Variants in LAMA3 observed in about 807,000 individuals in gnomAD.
LAMA3 encodes the protein laminin subunit alpha-3.
In LAMA3, 281 loss-of-function variants were observed where a neutral mutation model predicts 402.0. That is an observed-to-expected ratio of 0.70 (90% CI 0.63 to 0.77). The LOEUF (loss-of-function observed/expected upper bound fraction) is 0.77, where lower values mean the gene tolerates loss of function less well. Ranked by LOEUF, LAMA3 falls within the 30% of genes least tolerant of loss-of-function variation. The probability of loss-of-function intolerance (pLI) is 0.00; values close to 1 mark genes in which losing one functional copy is unlikely to be tolerated. For synonymous variants in LAMA3, 1,431 were observed against 1,558.4 expected (o/e 0.92, Z 1.93); for missense variants, 3,840 against 4,215.5 (o/e 0.91, Z 2.47).
At chr18:23,835,485 A>C (rs949339343) in intron 24 of LAMA3, among the ~76,000 whole-genome samples, 1 of 152,162 alleles carries the variant, frequency 6.6e-6, no homozygotes, top group Admixed American at 6.5e-5. Context: ...AGTGAACTGC[A>C]TGTCAGTCTG....
At chr18:23,924,310 C>G (rs2081937420) in intron 62 of LAMA3, among the ~76,000 whole-genome samples, 1 of 151,932 alleles carries the variant, frequency 6.6e-6, no homozygotes, top group South Asian at 2.1e-4. Context: ...TGTCACCATG[C>G]CTGGCTAATT....
rs552096413 is a variant in LAMA3, at chr18:23,758,460, A to G, written c.1012A>G (p.Asn338Asp). 4 of 1,614,130 alleles carry G rather than the reference A, an allele frequency of 2.5e-6. No homozygotes were observed. In the Admixed American group the frequency reaches 6.7e-5, roughly 27 times the overall value. Residue 338 changes from asparagine (N) to aspartate (D), a missense_variant, in exon 7 of 75, where the codon AAT becomes GAT. By Grantham distance (23) the Asn-to-Asp change is conservative. Transcript: ENST00000313654. Reference sequence around the variant, plus strand: ...GTGTGATCGCTGCTGCACAGGGTACAATCAGAGGCGCTGGCGGCCCGCCGC... The same window carrying G: ...GTGTGATCGCTGCTGCACAGGGTACGATCAGAGGCGCTGGCGGCCCGCCGC... ...ETCDRCCTGY[N>D]QRRWRPAAWE... is the part of the protein sequence containing the mutation.
intron 20 of LAMA3, among the ~76,000 whole-genome samples, chr18:23,824,013 C>A (rs2063334871): frequency 6.6e-6 from 1 of 152,040 alleles, no homozygotes; most frequent in South Asian, 2.1e-4. Context: ...ATAACCACTG[C>A]ACTCCAGCCT....
chr18:23,833,357 T>G (rs942501646), intron 23 of LAMA3, among the ~76,000 whole-genome samples: 3 of 151,214 alleles, frequency 2.0e-5, no homozygotes, highest in Non-Finnish European at 2.9e-5. Flanking sequence ...GTGTGTGTGT[T>G]TTACATTATT....
chr18:23,760,392 A>C (rs2061944468), intron 7 of LAMA3, among the ~76,000 whole-genome samples: 1 of 152,156 alleles, frequency 6.6e-6, no homozygotes, highest in Admixed American at 6.5e-5. Flanking sequence ...GAAAGCATTG[A>C]GCCTGTTTTA....
intron 25 of LAMA3, among the ~76,000 whole-genome samples, chr18:23,837,570 G>GAGATATATATATAT (rs1555707624): frequency 9.6e-5 from 8 of 83,282 alleles, no homozygotes; most frequent in African/African-American, 3.6e-4. Flanking sequence ...CAGTTAATCA[G>GAGATATATATATAT]ATATATATAT....
chr18:23,739,051 C>T (rs537100675), intron 2 of LAMA3, among the ~76,000 whole-genome samples: 2 of 152,320 alleles, frequency 1.3e-5, no homozygotes, highest in African/African-American at 4.8e-5. Flanking sequence ...TTACTCTGGA[C>T]AGCTGCCCAG....
intron 2 of LAMA3, among the ~76,000 whole-genome samples, chr18:23,730,839 A>T (rs1439199235): frequency 1.3e-5 from 2 of 152,166 alleles, no homozygotes; most frequent in Admixed American, 1.3e-4. Flanking sequence ...AAAAATTTGT[A>T]TATTCATACA....
intron 18 of LAMA3, among the ~76,000 whole-genome samples, chr18:23,818,729 AT>A (rs886879911): frequency 6.6e-6 from 1 of 152,088 alleles, no homozygotes; most frequent in East Asian, 1.9e-4. Context: ...TTTTTGGTGT[AT>A]TTTTTCTAGA....
Position 23,914,697 on chromosome 18 carries a change from GAATTT to G in LAMA3, c.7483_7487del (p.Ile2495SerfsTer6), listed in dbSNP as rs1568338180. On this transcript the variant is annotated frameshift_variant and splice_region_variant, in exon 58 of 75. Coordinates refer to ENST00000313654, the MANE Select transcript of LAMA3 (RefSeq NM_198129.4). LOFTEE classifies it high-confidence loss of function. ...TTATTATCTAAATTCATTTTAAACA[GAATTT>G]ATCAGTTTGCAAGGCTTAATTACAC... 10 of 1,611,362 alleles carry G rather than the reference GAATTT, an allele frequency of 6.2e-6. No individual in the cohort carries two copies. The highest frequency in any genetic ancestry group is 8.5e-7 in the Non-Finnish European group (1 of 1,178,246).
At chr18:23,887,625 A>G (rs958122567) in intron 41 of LAMA3, among the ~76,000 whole-genome samples, 6 of 152,244 alleles carry the variant, frequency 3.9e-5, no homozygotes, top group Non-Finnish European at 7.3e-5. Flanking sequence ...CCCAGACATC[A>G]TTCCTGGCAC....
intron 68 of LAMA3, among the ~76,000 whole-genome samples, chr18:23,941,325 C>CA (rs2082506328): frequency 1.1e-4 from 3 of 27,100 alleles, no homozygotes; most frequent in African/African-American, 1.8e-4. Flanking sequence ...ATCAGCTTGG[C>CA]GCCCCCCCCC....
rs371719054 is a variant in LAMA3 at position 23,867,885 on chromosome 18, C to T, written c.4735C>T (p.Arg1579Trp). ...GGAGACAAACACCCCACGGCCAGAC[C>T]GGCTGCATCATGGACGAGTGCACGT... ...YEETNTPRPD[R>W]LHHGRVHVVE... Residue 1579 changes from arginine (R) to tryptophan (W), a missense_variant, in exon 37 of 75, where the codon CGG becomes TGG. Around this residue, in one of 3 missense-constraint regions of LAMA3, gnomAD observed 2,109 missense variants for 2,376.0 expected, o/e 0.89. Coordinates refer to ENST00000313654, the MANE Select transcript of LAMA3 (RefSeq NM_198129.4). The T allele has an allele frequency of 3.2e-5, 52 of 1,613,914 alleles. No homozygotes were observed. The highest frequency in any genetic ancestry group is 7.7e-5 in the South Asian group (7 of 91,082).
Position 23,890,129 on chromosome 18 carries a change from C to T in LAMA3, c.5410+12C>T. The T allele has an allele frequency of 6.5e-7, 1 of 1,540,106 alleles. No individual in the cohort carries two copies. Among genetic ancestry groups the T allele is most frequent in the Non-Finnish European group, 9.0e-7 (1 of 1,112,464 alleles). On this transcript the variant is annotated intron_variant, in intron 42 of 74. Coordinates refer to ENST00000313654, the MANE Select transcript of LAMA3 (RefSeq NM_198129.4). Reference sequence around the variant, plus strand: ...TCCCCTGACTGGAGGTAAGGCCGACCCACACCCCTGCTAACTTGCATTTAT... The same window carrying T: ...TCCCCTGACTGGAGGTAAGGCCGACTCACACCCCTGCTAACTTGCATTTAT...
Position 23,914,413 on chromosome 18 carries a change from T to C in LAMA3, c.7333T>C (p.Ser2445Pro), listed in dbSNP as rs139190349. The C allele has an allele frequency of 2.1e-5, 34 of 1,614,046 alleles. No homozygotes were observed. The African/African-American group carries it at 4.4e-4, about 21-fold the overall frequency. ...FVMYLGNKDA[S>P]RDYIGMAVVD... is the part of the protein sequence containing the mutation. ...TGAGGTGGCCCTTTGTCTCCAGGCCTCCCGGGACTACATCGGCATGGCAGT... is the reference window on the plus strand; with the variant it reads ...TGAGGTGGCCCTTTGTCTCCAGGCCCCCCGGGACTACATCGGCATGGCAGT... The change falls in exon 57 of 75, where the codon TCC (serine) becomes CCC (proline). Residue 2445 changes from serine (S) to proline (P), a missense_variant. Ser to Pro is a moderately conservative substitution (Grantham distance 74). Transcript: ENST00000313654.
At chr18:23,900,070 C>CATGT (rs138472058) in intron 47 of LAMA3, among the ~76,000 whole-genome samples, 5 of 150,742 alleles carry the variant, frequency 3.3e-5, no homozygotes, top group Admixed American at 6.6e-5. Flanking sequence ...TGTGTGTGTG[C>CATGT]GTGTGTGTGT....
chr18:23,693,806 C>A (rs1266824215), intron 1 of LAMA3, among the ~76,000 whole-genome samples: 1 of 152,118 alleles, frequency 6.6e-6, no homozygotes, highest in African/African-American at 2.4e-5. Flanking sequence ...GTAATTTAGG[C>A]ATTTATGAAA....
Position 23,928,663 on chromosome 18 carries a change from G to A in LAMA3, c.8334G>A (p.Leu2778=). The change falls in exon 64 of 75, where the codon TTG becomes TTA. Residue 2778 remains leucine, a synonymous_variant. Coordinates refer to ENST00000313654, the MANE Select transcript of LAMA3 (RefSeq NM_198129.4). ...CCTCATTCTCCAGAGGAGGACAATT[G>A]AGTTTCACTGATTTGGGCTTACCAC... is the stretch of plus-strand genomic sequence containing the variant. ...RSASFSRGGQ[L]SFTDLGLPPT... 6.2e-7 allele frequency: 1 copy of A among 1,613,928 alleles called. No individual in the cohort carries two copies. Among genetic ancestry groups the A allele is most frequent in the Non-Finnish European group, 8.5e-7 (1 of 1,179,804 alleles).
chr18:23,872,379 C>T (rs2144823518), intron 38 of LAMA3, among the ~76,000 whole-genome samples: 1 of 152,288 alleles, frequency 6.6e-6, no homozygotes, highest in East Asian at 1.9e-4. Context: ...TTTAATTTCT[C>T]TGGCTATAAG....
Sources: allele counts gnomAD v4.1 joint callset (sites outside exome capture counted in the v4.1 genomes callset), GRCh38; gene constraint gnomAD v4.1.1; regional missense constraint gnomAD v4.1.1; transcripts MANE v1.5; gene names NCBI Gene and HGNC (gene_info 2026-07-23, HGNC 2026-07-21).